The following MAGT1 variants were observed in gnomAD, a reference collection of about 807,000 sequenced individuals.
MAGT1 encodes the protein magnesium transporter 1.
Under a neutral mutation model 28.4 loss-of-function variants are expected in MAGT1, and 4 were observed. The observed-to-expected ratio is 0.14, with a 90% CI of 0.07 to 0.32. The LOEUF is 0.32. Ranked by LOEUF, MAGT1 falls within the 10% of genes least tolerant of loss-of-function variation. The pLI is 1.00. For synonymous variants in MAGT1, 89 were observed against 89.7 expected (o/e 0.99, Z 0.04); for missense variants, 193 against 264.5 (o/e 0.73, Z 1.88).
intron 7 of MAGT1, among the ~76,000 whole-genome samples, chrX:77,846,492 GGAGGAGGAGA>G (rs1557214949): frequency 2.7e-5 from 3 of 112,127 alleles, no homozygotes; most frequent in Non-Finnish European, 3.8e-5. Context: ...GCATTCCTTT[GGAGGAGGAGA>G]GGCACTCTGA....
At chrX:77,845,104 C>A (rs2076947534) in intron 7 of MAGT1, among the ~76,000 whole-genome samples, 1 of 111,293 alleles carries the variant, frequency 9.0e-6, no homozygotes, top group South Asian at 3.8e-4. Flanking sequence ...TCTCTAAGGA[C>A]TCGCTTTATG....
intron 1 of MAGT1, among the ~76,000 whole-genome samples, chrX:77,877,862 TAAAATA>T (rs782789813): frequency 9.6e-6 from 1 of 103,763 alleles, no homozygotes; most frequent in Non-Finnish European, 2.0e-5. Flanking sequence ...TAAAATAAAA[TAAAATA>T]AAATATACTG....
intron 1 of MAGT1, among the ~76,000 whole-genome samples, chrX:77,876,534 T>C (rs1557217865): frequency 1.8e-5 from 2 of 110,451 alleles, no homozygotes; most frequent in Non-Finnish European, 3.8e-5. Context: ...GTGGTACAGA[T>C]GAAGGGATAG....
At chrX:77,887,853 G>C (rs1409873112) in intron 1 of MAGT1, among the ~76,000 whole-genome samples, 2 of 112,293 alleles carry the variant, frequency 1.8e-5, no homozygotes, top group African/African-American at 6.5e-5. Flanking sequence ...TGCCACCCAG[G>C]CTGGAGTGCA....
chrX:77,834,165 C>CATAT (rs201706016), intron 8 of MAGT1, among the ~76,000 whole-genome samples: 4 of 94,963 alleles, frequency 4.2e-5, no homozygotes, highest in African/African-American at 1.6e-4. Context: ...GACTGTACAC[C>CATAT]ATATATATAT....
intron 1 of MAGT1, among the ~76,000 whole-genome samples, chrX:77,877,307 A>C (rs1211859186): frequency 6.1e-5 from 6 of 98,897 alleles, no homozygotes; most frequent in East Asian, 6.5e-4. Context: ...GCCTGGCCAA[A>C]ATGGCGAAAC....
At chrX:77,891,464 C>T (rs977107328) in intron 1 of MAGT1, among the ~76,000 whole-genome samples, 3 of 111,169 alleles carry the variant, frequency 2.7e-5, no homozygotes, top group Non-Finnish European at 3.8e-5. Context: ...CCTCAGCCTC[C>T]CAAAGTTCTG....
At chrX:77,829,737 G>T (rs35658443) in intron 9 of MAGT1, among the ~76,000 whole-genome samples, 56,512 of 109,822 alleles carry the variant, frequency 0.51, 12,877 homozygotes, top group Non-Finnish European at 0.69. Context: ...CTATTACTCA[G>T]ACTGGAGTGC....
Position 77,867,010 on chromosome X carries a change from C to T in MAGT1, c.390+3798G>A, listed in dbSNP as rs937923614. ...ATCTCTGAGCAATCAGCACTCCTGGCTCACTGGCTTCCCCCCACCCACGAA... is the reference window on the plus strand; with the variant it reads ...ATCTCTGAGCAATCAGCACTCCTGGTTCACTGGCTTCCCCCCACCCACGAA... On this transcript the variant is annotated intron_variant, in intron 3 of 9. Transcript: ENST00000618282. 1.1e-4 allele frequency among the ~76,000 whole-genome samples: 7 copies of T among 65,951 alleles called. 1 individual carries two copies. The highest frequency in any genetic ancestry group is 4.2e-4 in the Admixed American group (2 of 4,775). The allele number at this position is 65,951 out of a possible 115,157, so 57.3% of individuals were successfully genotyped here. A position where few individuals can be genotyped will look rare whatever the true frequency, so the allele number is the denominator to read the frequency against.
intron 1 of MAGT1, among the ~76,000 whole-genome samples, chrX:77,887,180 G>T (rs781943551): frequency 1.8e-5 from 2 of 111,115 alleles, no homozygotes; most frequent in African/African-American, 6.5e-5. Flanking sequence ...CTGCAGCCTC[G>T]AACTCCTGGG....
chrX:77,863,669 T>C (rs1557216637), intron 3 of MAGT1, among the ~76,000 whole-genome samples: 2 of 111,831 alleles, frequency 1.8e-5, no homozygotes, highest in Non-Finnish European at 3.8e-5. Context: ...TGCAGCACAA[T>C]AGCAAAGTTA....
At chrX:77,880,714 T>A (rs891042050) in intron 1 of MAGT1, among the ~76,000 whole-genome samples, 13 of 109,475 alleles carry the variant, frequency 1.2e-4, no homozygotes, top group Admixed American at 9.9e-5. Context: ...TCCCAACACT[T>A]TGGGAGGCTG....
intron 8 of MAGT1, among the ~76,000 whole-genome samples, chrX:77,840,365 G>A (rs782470508): frequency 9.1e-6 from 1 of 109,501 alleles, no homozygotes; most frequent in African/African-American, 3.3e-5. Context: ...GAACCTGGGA[G>A]GCAGAGGATG....
At chrX:77,840,938 T>C (rs1290074301) in intron 8 of MAGT1, among the ~76,000 whole-genome samples, 1 of 112,019 alleles carries the variant, frequency 8.9e-6, no homozygotes, top group African/African-American at 3.2e-5. Context: ...GGGTGTGAAG[T>C]GTCAAAATTT....
intron 3 of MAGT1, among the ~76,000 whole-genome samples, chrX:77,859,216 T>C (rs1403575648): frequency 1.8e-5 from 2 of 109,799 alleles, no homozygotes; most frequent in African/African-American, 3.3e-5. Context: ...TCTAAATAAA[T>C]AAATAAAAAA....
At chrX:77,860,383 C>T (rs559501608) in intron 3 of MAGT1, among the ~76,000 whole-genome samples, 7 of 111,320 alleles carry the variant, frequency 6.3e-5, no homozygotes, top group African/African-American at 1.3e-4. Flanking sequence ...TCACCATGCC[C>T]GGCCTGAAAA....
Position 77,895,366 on chromosome X carries a change from C to T in MAGT1, c.45G>A (p.Val15=), listed in dbSNP as rs781804397. 7 of 1,210,716 alleles carry T rather than the reference C, an allele frequency of 5.8e-6. No homozygotes were observed. In the African/African-American group the frequency reaches 1.2e-4, roughly 21 times the overall value. ...CGTCGCAAACGATGAGCAGCGCCACCACCATGGTCACAGAGACACACCAAA... is the reference window on the plus strand; with the variant it reads ...CGTCGCAAACGATGAGCAGCGCCACTACCATGGTCACAGAGACACACCAAA... The part of the protein sequence containing the change: ...WRFWCVSVTM[V]VALLIVCDVP... Residue 15 remains valine, a synonymous_variant, in exon 1 of 10, where the codon GTG becomes GTA. Transcript: ENST00000618282.
At chrX:77,869,327 C>T (rs2077014924) in intron 3 of MAGT1, among the ~76,000 whole-genome samples, 1 of 111,428 alleles carries the variant, frequency 9.0e-6, no homozygotes. Context: ...AAAACTCTTC[C>T]AGACATTGGC....
chrX:77,840,308 C>T (rs1214391945), intron 8 of MAGT1, among the ~76,000 whole-genome samples: 1 of 106,247 alleles, frequency 9.4e-6, no homozygotes, highest in Non-Finnish European at 1.9e-5. Flanking sequence ...TGGTGGTGGG[C>T]GCCTGTAATC....
Sources: allele counts gnomAD v4.1 joint callset (sites outside exome capture counted in the v4.1 genomes callset), GRCh38; gene constraint gnomAD v4.1.1; transcripts MANE v1.5; gene names NCBI Gene and HGNC (gene_info 2026-07-23, HGNC 2026-07-21).